Variants in GRHL2 observed in about 807,000 individuals in gnomAD.
GRHL2 encodes the protein grainyhead-like protein 2 homolog.
In GRHL2, 21 loss-of-function variants were observed where a neutral mutation model predicts 83.8. The observed-to-expected ratio is 0.25, with a 90% CI of 0.18 to 0.36. The LOEUF (loss-of-function observed/expected upper bound fraction) is 0.36, where lower values mean the gene tolerates loss of function less well. Ranked by LOEUF, GRHL2 falls within the 10% of genes least tolerant of loss-of-function variation. The pLI, the probability that GRHL2 is intolerant of heterozygous loss-of-function variation, is 1.00. For missense variants in GRHL2, 623 were observed against 781.8 expected, an observed-to-expected ratio of 0.80 and a Z score of 2.42; for synonymous variants, 280 against 278.9, an observed-to-expected ratio of 1.00 and a Z score of -0.04.
At chr8:101,563,035 C>A (rs1234648441) in intron 4 of GRHL2, among the ~76,000 whole-genome samples, 1 of 152,194 alleles carries the variant, frequency 6.6e-6, no homozygotes, top group Non-Finnish European at 1.5e-5. Flanking sequence ...TTGATGGGTA[C>A]TCACTATGTG....
At chr8:101,664,839 A>T (rs1165801284) in intron 15 of GRHL2, among the ~76,000 whole-genome samples, 1 of 152,116 alleles carries the variant, frequency 6.6e-6, no homozygotes, top group Admixed American at 6.5e-5. Flanking sequence ...AGTGGAGTTT[A>T]TAGGGAATCA....
chr8:101,527,383 T>C (rs1810830165), intron 1 of GRHL2, among the ~76,000 whole-genome samples: 1 of 152,196 alleles, frequency 6.6e-6, no homozygotes, highest in African/African-American at 2.4e-5. Context: ...AATTTTTTTG[T>C]AGAGACAGAG....
chr8:101,520,881 T>C (rs1810668645), intron 1 of GRHL2, among the ~76,000 whole-genome samples: 1 of 152,138 alleles, frequency 6.6e-6, no homozygotes, highest in Non-Finnish European at 1.5e-5. Flanking sequence ...GTAATGACAT[T>C]CCTTCCTCTT....
intron 1 of GRHL2, among the ~76,000 whole-genome samples, chr8:101,540,774 T>C (rs939711253): frequency 3.9e-5 from 6 of 152,214 alleles, no homozygotes; most frequent in African/African-American, 1.4e-4. Flanking sequence ...TCAGCAAAAA[T>C]AGACCTCTTT....
Position 101,558,436 on chromosome 8 carries a change from G to A in GRHL2, c.302G>A (p.Ser101Asn). The change falls in exon 4 of 16, where the codon AGT (serine) becomes AAT (asparagine). Residue 101 changes from serine (S) to asparagine (N), a missense_variant. Ser to Asn is a conservative substitution (Grantham distance 46, BLOSUM62 1). Transcript: ENST00000646743. Reference protein sequence around the residue: ...DQEKRNCLGTSEAQSNLSGGE... With the variant: ...DQEKRNCLGTNEAQSNLSGGE... ...ACACACAGAAACTGCCTTGGCACCA[G>A]TGAAGCCCAGAGTAATTTGAGTGGA... 6.2e-7 allele frequency: 1 copy of A among 1,614,202 alleles called. No individual in the cohort carries two copies. Among genetic ancestry groups the A allele is most frequent in the Non-Finnish European group, 8.5e-7 (1 of 1,180,042 alleles).
At chr8:101,572,659 C>T (rs764808698) in intron 5 of GRHL2, among the ~76,000 whole-genome samples, 1 of 151,890 alleles carries the variant, frequency 6.6e-6, no homozygotes, top group African/African-American at 2.4e-5. Context: ...CACTGTGAGC[C>T]GTCCTGCAGT....
At chr8:101,520,222 T>C (rs1212892596) in intron 1 of GRHL2, among the ~76,000 whole-genome samples, 1 of 152,218 alleles carries the variant, frequency 6.6e-6, no homozygotes, top group Non-Finnish European at 1.5e-5. Flanking sequence ...ATTTCTACCA[T>C]AGAGTATCTC....
intron 1 of GRHL2, among the ~76,000 whole-genome samples, chr8:101,522,581 G>A (rs1279208273): frequency 6.6e-6 from 1 of 152,094 alleles, no homozygotes; most frequent in Non-Finnish European, 1.5e-5. Flanking sequence ...CTGGACTTCA[G>A]TTTTCCTATT....
intron 9 of GRHL2, among the ~76,000 whole-genome samples, chr8:101,626,004 ATTTGTC>A (rs1813072314): frequency 6.6e-6 from 1 of 152,036 alleles, no homozygotes; most frequent in African/African-American, 2.4e-5. Context: ...TTTTGCTGTA[ATTTGTC>A]ATCATTTTTG....
chr8:101,575,518 C>T (rs911294310), intron 6 of GRHL2, among the ~76,000 whole-genome samples: 4 of 152,146 alleles, frequency 2.6e-5, no homozygotes, highest in East Asian at 1.9e-4. Flanking sequence ...TCTTACTCCC[C>T]GGCTCTGGAG....
chr8:101,571,686 T>C (rs1350128108), intron 5 of GRHL2, among the ~76,000 whole-genome samples: 1 of 152,160 alleles, frequency 6.6e-6, no homozygotes, highest in Non-Finnish European at 1.5e-5. Context: ...CCTTTGCTTT[T>C]ACACATATGG....
chr8:101,562,004 A>C, intron 4 of GRHL2: 1 of 786,384 alleles, frequency 1.3e-6, no homozygotes, highest in Non-Finnish European at 2.2e-6. Flanking sequence ...GATTTTTAAG[A>C]AGCATCTTCC....
chr8:101,529,093 T>C (rs1810866296), intron 1 of GRHL2: 1 of 384,572 alleles, frequency 2.6e-6, no homozygotes, highest in East Asian at 8.3e-5. Flanking sequence ...GACAGGGATT[T>C]CTATGGGGCT....
chr8:101,521,008 G>C (rs1810671046), intron 1 of GRHL2, among the ~76,000 whole-genome samples: 1 of 152,178 alleles, frequency 6.6e-6, no homozygotes, highest in South Asian at 2.1e-4. Context: ...ATCAGTCTGA[G>C]TTCTTCGTGA....
intron 1 of GRHL2, among the ~76,000 whole-genome samples, chr8:101,541,085 C>A (rs1052959964): frequency 6.6e-6 from 1 of 151,846 alleles, no homozygotes; most frequent in Non-Finnish European, 1.5e-5. Flanking sequence ...GCCTCCAGTT[C>A]CGTCACTGTT....
downstream of GRHL2, among the ~76,000 whole-genome samples, chr8:101,670,176 C>A (rs1040016705): frequency 1.3e-5 from 2 of 152,214 alleles, no homozygotes; most frequent in African/African-American, 2.4e-5. Flanking sequence ...CCCACAGGCT[C>A]CCTAAGATCT....
chr8:101,595,766 GA>G (rs35874053), intron 7 of GRHL2, among the ~76,000 whole-genome samples: 64,948 of 149,702 alleles, frequency 0.43, 16,413 homozygotes, highest in Non-Finnish European at 0.57. Flanking sequence ...AATACCCTAA[GA>G]AAAAAAAAAT....
At chr8:101,565,964 C>T (rs1361306113) in intron 4 of GRHL2, among the ~76,000 whole-genome samples, 2 of 152,136 alleles carry the variant, frequency 1.3e-5, no homozygotes, top group Non-Finnish European at 2.9e-5. Context: ...ATTTTATATT[C>T]ATCTAGTCTG....
intron 7 of GRHL2, among the ~76,000 whole-genome samples, chr8:101,581,817 G>C (rs1452697166): frequency 6.6e-6 from 1 of 152,190 alleles, no homozygotes; most frequent in Non-Finnish European, 1.5e-5. Context: ...GCATAGAAGA[G>C]CGCTTCCCAG....
Sources: gnomAD v4.1 joint callset for allele counts (sites outside exome capture counted in the v4.1 genomes callset) on GRCh38, gnomAD v4.1.1 for gene constraint, MANE v1.5 for transcripts, NCBI Gene and HGNC (gene_info 2026-07-23, HGNC 2026-07-21) for gene names.